The following ATAD1 variants were observed in gnomAD, a reference collection of about 807,000 sequenced individuals.
ATAD1 encodes ATPase family AAA domain containing 1.
ATAD1 carries 18 observed loss-of-function variants against 42.7 expected under a neutral mutation model. That is an observed-to-expected ratio of 0.42 (90% confidence interval 0.29 to 0.63). ATAD1 has a LOEUF of 0.63. Ranked by LOEUF, ATAD1 falls within the 20% of genes least tolerant of loss-of-function variation. The pLI, the probability that ATAD1 is intolerant of heterozygous loss-of-function variation, is 0.19. For synonymous variants in ATAD1, 132 were observed against 143.1 expected (o/e 0.92, Z 0.55); for missense variants, 294 against 440.4 (o/e 0.67, Z 2.98).
intron 8 of ATAD1, among the ~76,000 whole-genome samples, chr10:87,760,448 G>A (rs1854431184): frequency 6.6e-6 from 1 of 152,110 alleles, no homozygotes; most frequent in Non-Finnish European, 1.5e-5. Context: ...GTTTCCTGAG[G>A]CCTCCCAGCC....
Position 87,767,690 on chromosome 10 carries a change from T to A in ATAD1, c.814A>T (p.Ile272Phe). The change falls in exon 8 of 10, where the codon ATC becomes TTC. Residue 272 changes from isoleucine to phenylalanine, a missense_variant. Ile to Phe is a conservative substitution (Grantham distance 21). Coordinates refer to ENST00000680024, the MANE Select transcript of ATAD1 (RefSeq NM_001321967.2). ...CTACTTACATTTTCATTTTTCAAGA[T>A]GAGTTTCAGGATTGCTTCTCTCTGT... ...LKQREAILKL[I>F]LKNENVDRHV... is the part of the protein sequence containing the mutation. The A allele has an allele frequency of 6.2e-7, 1 of 1,611,372 alleles. No individual in the cohort carries two copies. The highest frequency in any genetic ancestry group is 8.5e-7 in the Non-Finnish European group (1 of 1,179,054).
chr10:87,792,631 T>TAAAAAAG, intron 3 of ATAD1, 26 bp downstream of exon 3: 1 of 616,728 alleles, frequency 1.6e-6, no homozygotes, highest in Non-Finnish European at 2.8e-6. Context: ...TCTAAAAAAA[T>TAAAAAAG]CTTAAATAAG....
At chr10:87,828,621 C>CTACA (rs966616777) in intron 1 of ATAD1, among the ~76,000 whole-genome samples, 5 of 152,190 alleles carry the variant, frequency 3.3e-5, no homozygotes, top group Non-Finnish European at 7.3e-5. Context: ...ATGAAGGTGG[C>CTACA]TACACTAAAC....
intron 2 of ATAD1, among the ~76,000 whole-genome samples, chr10:87,803,823 G>A (rs981627068): frequency 6.6e-6 from 1 of 152,178 alleles, no homozygotes; most frequent in Non-Finnish European, 1.5e-5. Flanking sequence ...CTATGCTTGT[G>A]TAGAAAACAA....
At chr10:87,780,351 G>C (rs921884133) in intron 5 of ATAD1, among the ~76,000 whole-genome samples, 2 of 152,122 alleles carry the variant, frequency 1.3e-5, no homozygotes, top group African/African-American at 4.8e-5. Context: ...GTATGAGACT[G>C]TAATGATAAA....
chr10:87,756,746 A>G (rs781450165), intron 9 of ATAD1, 43 bp downstream of exon 9: 1 of 1,491,688 alleles, frequency 6.7e-7, no homozygotes, highest in South Asian at 1.4e-5. Flanking sequence ...AAAAGCTCTA[A>G]AAGATTTTGA....
rs1854098354 is a variant in ATAD1 at position 87,753,515 on chromosome 10, G to A, written c.*1172C>T. ...GTTAGGTGCCTATAACAGAATTCTG[G>A]TTAGTAAAATTTTGAAAAAAATTCA... On this transcript the variant is annotated 3_prime_UTR_variant, in exon 10 of 10. Transcript: ENST00000680024. 1 of 152,168 alleles carries A rather than the reference G, an allele frequency of 6.6e-6. No individual in the cohort carries two copies. The highest frequency in any genetic ancestry group is 2.4e-5 in the African/African-American group (1 of 41,398). The allele number at this position is 152,168 out of a possible 1,614,324, so 9.4% of individuals were successfully genotyped here.
In ATAD1 at chr10:87,784,563, C is replaced by T. The variant is rs1422620549; in HGVS notation, c.490G>A (p.Asp164Asn). 5.0e-6 allele frequency: 8 copies of T among 1,613,676 alleles called. No homozygotes were observed. The highest frequency in any genetic ancestry group is 2.2e-5 in the East Asian group (1 of 44,864). The change falls in exon 5 of 10, where the codon GAT becomes AAT. Residue 164 changes from aspartate (D) to asparagine (N), a missense_variant. This residue lies in a region of ATAD1 where 31 missense variants were observed against 78.6 expected (regional missense o/e 0.39). Transcript: ENST00000680024. ...FINLQPSTLT[D>N]KWYGESQKLA... ...TTCTGAGATTCTCCATACCACTTAT[C>T]GGTCAGTGTCGAAGGCTGAAGGTTA...
intron 4 of ATAD1, 118 bp from the exon 5 acceptor site, chr10:87,784,788 T>C (rs1285197138): frequency 2.2e-6 from 2 of 921,898 alleles, no homozygotes; most frequent in South Asian, 1.7e-5. Context: ...ATTCTGCTTT[T>C]ATTTAATCTT....
In ATAD1 at chr10:87,784,583, A is replaced by G; in HGVS notation, c.470T>C (p.Leu157Pro). 1 of 1,613,606 alleles carries G rather than the reference A, an allele frequency of 6.2e-7. No homozygotes were observed. The highest frequency in any genetic ancestry group is 8.5e-7 in the Non-Finnish European group (1 of 1,179,912). The change falls in exon 5 of 10, where the codon CTT becomes CCT. Residue 157 changes from leucine to proline, a missense_variant. Leu to Pro is a moderately conservative substitution (Grantham distance 98). Transcript: ENST00000680024. Reference protein sequence around the residue: ...AKEAGCRFINLQPSTLTDKWY... With the variant: ...AKEAGCRFINPQPSTLTDKWY... ...CTTATCGGTCAGTGTCGAAGGCTGA[A>G]GGTTAATAAATCGACAGCCTGCTTC...
At chr10:87,821,421 A>G (rs945267073), upstream of ATAD1, among the ~76,000 whole-genome samples, 1 of 152,106 alleles carries the variant, frequency 6.6e-6, no homozygotes, top group Non-Finnish European at 1.5e-5. Context: ...AATCCCAGTT[A>G]CTTGGGAGGC....
intron 8 of ATAD1, among the ~76,000 whole-genome samples, chr10:87,761,934 G>T (rs1854502668): frequency 1.3e-5 from 2 of 151,852 alleles, no homozygotes; most frequent in Admixed American, 1.3e-4. Flanking sequence ...TTGTAGAGGT[G>T]AGGTCTCATC....
At chr10:87,799,780 AAT>A (rs1480090953) in intron 2 of ATAD1, among the ~76,000 whole-genome samples, 1 of 137,224 alleles carries the variant, frequency 7.3e-6, no homozygotes, top group East Asian at 2.0e-4. Context: ...ATTGTAGAAA[AAT>A]ATTTTTTTTT....
At chr10:87,813,365 T>C (rs1026461128) in intron 2 of ATAD1, among the ~76,000 whole-genome samples, 24 of 151,888 alleles carry the variant, frequency 1.6e-4, no homozygotes, top group Non-Finnish European at 5.9e-5. Context: ...TTTTTTTTTT[T>C]TTAAATCTAC....
At chr10:87,760,562 A>T (rs1313247808) in intron 8 of ATAD1, among the ~76,000 whole-genome samples, 13 of 152,188 alleles carry the variant, frequency 8.5e-5, no homozygotes, top group African/African-American at 3.1e-4. Context: ...GAACGGGCTA[A>T]CACAGACCCC....
intron 1 of ATAD1, among the ~76,000 whole-genome samples, chr10:87,830,637 C>T (rs1186792108): frequency 6.6e-6 from 1 of 152,144 alleles, no homozygotes; most frequent in Non-Finnish European, 1.5e-5. Flanking sequence ...AGAATAATAA[C>T]ATTTTACCTC....
Position 87,784,683 on chromosome 10 carries a change from A to G in ATAD1, c.383-13T>C, listed in dbSNP as rs370075762. 19 of 1,608,796 alleles carry G rather than the reference A, an allele frequency of 1.2e-5. No homozygotes were observed. Among genetic ancestry groups the G allele is most frequent in the Non-Finnish European group, 1.6e-5 (19 of 1,177,180 alleles). On this transcript the variant is annotated splice_polypyrimidine_tract_variant and intron_variant, in intron 4 of 9. Transcript: ENST00000680024. ...TAGAGAAGAACACCTGGAAATGAATATGTTATTTATTACCTTTAAGGGGAT... is the reference window on the plus strand; with the variant it reads ...TAGAGAAGAACACCTGGAAATGAATGTGTTATTTATTACCTTTAAGGGGAT...
intron 4 of ATAD1, among the ~76,000 whole-genome samples, chr10:87,788,546 A>G (rs1030008916): frequency 6.6e-6 from 1 of 152,234 alleles, no homozygotes; most frequent in Non-Finnish European, 1.5e-5. Context: ...CTTTCAAATA[A>G]GAAGCAAATT....
chr10:87,838,358 C>A (rs576435796), intron 1 of ATAD1, among the ~76,000 whole-genome samples: 1 of 149,872 alleles, frequency 6.7e-6, no homozygotes, highest in East Asian at 2.0e-4. Context: ...GAAACCCAGT[C>A]TCGACTAAAA....
Sources: gnomAD v4.1 joint callset for allele counts (sites outside exome capture counted in the v4.1 genomes callset) on GRCh38, gnomAD v4.1.1 for gene constraint, gnomAD v4.1.1 regional missense constraint, MANE v1.5 for transcripts, NCBI Gene and HGNC (gene_info 2026-07-23, HGNC 2026-07-21) for gene names.